SRGAP2B: variants seen among roughly 807,000 people sequenced by gnomAD.
SRGAP2B encodes SLIT-ROBO Rho GTPase activating protein 2B.
A neutral mutation model predicts 22.2 loss-of-function variants in SRGAP2B; 9 were observed. That is an observed-to-expected ratio of 0.41 (90% CI 0.24 to 0.71). The LOEUF (loss-of-function observed/expected upper bound fraction) is 0.71. SRGAP2B is among the 30% of genes least tolerant of loss of function. SRGAP2B has a pLI of 0.35. For synonymous variants in SRGAP2B, 36 were observed against 87.4 expected (o/e 0.41, Z 3.28); for missense variants, 114 against 235.8 (o/e 0.48, Z 3.38).
At chr1:145,009,400 A>G (rs1257413132) in intron 2 of SRGAP2B, among the ~76,000 whole-genome samples, 10 of 148,582 alleles carry the variant, frequency 6.7e-5, no homozygotes, top group African/African-American at 2.6e-4. Context: ...CATCCCGGCT[A>G]AAACGGTGAA....
intron 5 of SRGAP2B, among the ~76,000 whole-genome samples, chr1:144,909,535 C>G (rs1326486056): frequency 6.9e-6 from 1 of 144,246 alleles, no homozygotes; most frequent in African/African-American, 2.7e-5. Context: ...TGCAGTGAGC[C>G]GAGATCACGC....
exon 7 of SRGAP2B, chr1:144,905,189 T>G (rs1662894618): frequency 1.3e-6 from 1 of 778,610 alleles, no homozygotes; most frequent in African/African-American, 1.7e-5. Flanking sequence ...TTGATGGCCT[T>G]CAGCTTATTC....
At position 144,984,150 on chromosome 1, in the gene SRGAP2B, G is replaced by A. The variant is rs587708942; in HGVS notation, c.260+10858C>T. ...AACCTGACCAACATGGAGAAGCCCC[G>A]TCTCTACTAAAAATACAAAATTAGC... On this transcript the variant is annotated intron_variant, in intron 3 of 9. Transcript: ENST00000612199. 1.3e-4 allele frequency among the ~76,000 whole-genome samples: 19 copies of A among 150,262 alleles called. No homozygotes were observed. The East Asian group carries it at 1.6e-3, about 12-fold the overall frequency.
At chr1:144,933,784 T>TG (rs1665393994) in intron 4 of SRGAP2B, among the ~76,000 whole-genome samples, 1 of 120,956 alleles carries the variant, frequency 8.3e-6, no homozygotes, top group South Asian at 3.2e-4. Flanking sequence ...AATGCTTCCC[T>TG]GATACTGTCA....
chr1:145,025,690 A>G (rs1553624940), intron 2 of SRGAP2B, among the ~76,000 whole-genome samples: 1 of 75,144 alleles, frequency 1.3e-5, no homozygotes, highest in Non-Finnish European at 2.6e-5. Flanking sequence ...TAAGACGTAA[A>G]AAGTGGAACA....
intron 2 of SRGAP2B, among the ~76,000 whole-genome samples, chr1:145,084,705 A>G (rs1203386279): frequency 6.6e-6 from 1 of 152,240 alleles, no homozygotes; most frequent in African/African-American, 2.4e-5. Context: ...AATGTGGTCG[A>G]AACAATAGGT....
intron 2 of SRGAP2B, among the ~76,000 whole-genome samples, chr1:145,056,983 ACACACACACG>A (rs1650461924): frequency 3.4e-5 from 5 of 148,576 alleles, no homozygotes; most frequent in African/African-American, 5.0e-5. Context: ...ACACACACAC[ACACACACACG>A]CAAACTCCTC....
chr1:144,993,559 A>G (rs1670426626), intron 3 of SRGAP2B, among the ~76,000 whole-genome samples: 1 of 149,722 alleles, frequency 6.7e-6, no homozygotes, highest in Admixed American at 6.6e-5. Flanking sequence ...TAAAATAAAA[A>G]TAGCTGGGTA....
chr1:144,915,633 G>C (rs1157471372), intron 4 of SRGAP2B, among the ~76,000 whole-genome samples: 3 of 151,298 alleles, frequency 2.0e-5, no homozygotes, highest in Admixed American at 1.3e-4. Context: ...GGCTGAGGCA[G>C]GAGAATTGCT....
At chr1:145,087,673 CCTGT>C (rs1653547668) in intron 2 of SRGAP2B, among the ~76,000 whole-genome samples, 1 of 115,700 alleles carries the variant, frequency 8.6e-6, no homozygotes, top group Non-Finnish European at 1.8e-5. Context: ...ATCATCAGAG[CCTGT>C]CTAAGTTTTC....
At chr1:145,019,134 G>A (rs1375713930) in intron 2 of SRGAP2B, among the ~76,000 whole-genome samples, 2 of 51,168 alleles carry the variant, frequency 3.9e-5, no homozygotes, top group Non-Finnish European at 7.4e-5. Context: ...CTTGAGTCCA[G>A]GGGTTCGAGA....
chr1:144,909,611 G>A (rs1190328251), intron 5 of SRGAP2B, among the ~76,000 whole-genome samples: 4 of 149,998 alleles, frequency 2.7e-5, no homozygotes, highest in South Asian at 2.1e-4. Context: ...GGAAGTCTGA[G>A]AACAGTGAGG....
chr1:144,972,871 C>T (rs1668629242), intron 3 of SRGAP2B, among the ~76,000 whole-genome samples: 1 of 133,798 alleles, frequency 7.5e-6, no homozygotes, highest in African/African-American at 3.1e-5. Flanking sequence ...CTTTGGGAGG[C>T]TGAGGCAGGC....
chr1:144,971,323 G>A (rs1277211001), intron 3 of SRGAP2B, among the ~76,000 whole-genome samples: 2 of 149,312 alleles, frequency 1.3e-5, no homozygotes, highest in African/African-American at 5.1e-5. Flanking sequence ...TAGAGACAGG[G>A]TTTCTCCATG....
intron 4 of SRGAP2B, among the ~76,000 whole-genome samples, chr1:144,925,768 AAAGAAAG>A (rs1664667510): frequency 2.1e-5 from 3 of 144,240 alleles, no homozygotes; most frequent in Non-Finnish European, 4.6e-5. Context: ...AGAAAGAAAG[AAAGAAAG>A]AAAGAAAGAA....
At position 144,992,142 on chromosome 1, in the gene SRGAP2B, G is replaced by A. The variant is rs1156252894; in HGVS notation, c.260+2866C>T. 4.0e-5 allele frequency among the ~76,000 whole-genome samples: 6 copies of A among 150,112 alleles called. No homozygotes were observed. The East Asian group carries it at 7.8e-4, about 19-fold the overall frequency. ...TGCCTTAAGAGCTGTAACACTCACC[G>A]TGAAGGTCTGCAGCTTCACTCCTGA... On this transcript the variant is annotated intron_variant, in intron 3 of 9. Transcript: ENST00000612199.
chr1:144,934,322 T>G (rs1553606052), intron 4 of SRGAP2B, among the ~76,000 whole-genome samples: 2 of 143,124 alleles, frequency 1.4e-5, no homozygotes, highest in African/African-American at 5.5e-5. Flanking sequence ...GAGAATCACT[T>G]GAACCTGGGA....
At chr1:144,999,884 C>T (rs1189115205) in intron 2 of SRGAP2B, among the ~76,000 whole-genome samples, 1 of 145,480 alleles carries the variant, frequency 6.9e-6, no homozygotes, top group African/African-American at 2.7e-5. Flanking sequence ...TGTTGCTCAA[C>T]CTTGTGAATA....
In SRGAP2B at chr1:144,965,394, C is replaced by T. The variant is rs372424998; in HGVS notation, c.261-9793G>A. ...AGCAGGGGCACACTGACACCTCACA[C>T]GGCAGGGTATTCCAACAGACCTGCA... On this transcript the variant is annotated intron_variant, in intron 3 of 9. Coordinates refer to ENST00000612199, the Ensembl canonical transcript of SRGAP2B. 1.3e-3 allele frequency among the ~76,000 whole-genome samples: 181 copies of T among 137,718 alleles called. 2 individuals carry two copies. The highest frequency in any genetic ancestry group is 4.9e-3 in the African/African-American group (163 of 32,952). The allele number at this position is 137,718 out of a possible 152,430, so 90.3% of individuals were successfully genotyped here. A position where few individuals can be genotyped will look rare whatever the true frequency, so the allele number is the denominator to read the frequency against.
Sources: allele counts gnomAD v4.1 joint callset (sites outside exome capture counted in the v4.1 genomes callset), GRCh38; gene constraint gnomAD v4.1.1; transcripts MANE v1.5; gene names NCBI Gene and HGNC (gene_info 2026-07-23, HGNC 2026-07-21).